The following HPSE2 variants were observed in gnomAD, a reference collection of about 807,000 sequenced individuals.
HPSE2 encodes heparanase 2 (inactive).
HPSE2 carries 38 observed loss-of-function variants against 60.5 expected under a neutral mutation model. That is an observed-to-expected ratio of 0.63 (90% CI 0.48 to 0.82). HPSE2 has a LOEUF of 0.82. HPSE2 is among the 40% of genes least tolerant of loss of function. The probability of loss-of-function intolerance (pLI) is 0.00; values close to 1 mark genes in which losing one functional copy is unlikely to be tolerated. For missense variants in HPSE2, 713 were observed against 740.4 expected (o/e 0.96, Z 0.43); for synonymous variants, 295 against 293.2 (o/e 1.01, Z -0.06).
chr10:98,869,898 G>A (rs1362327875), intron 3 of HPSE2, among the ~76,000 whole-genome samples: 3 of 151,916 alleles, frequency 2.0e-5, no homozygotes, highest in Admixed American at 6.6e-5. Context: ...GCATATAAAA[G>A]CAACAACCTG....
intron 3 of HPSE2, among the ~76,000 whole-genome samples, chr10:98,985,496 A>G (rs1956319180): frequency 6.6e-6 from 1 of 152,216 alleles, no homozygotes; most frequent in South Asian, 2.1e-4. Flanking sequence ...AGGAAGCACT[A>G]AACATGGAAA....
chr10:98,864,206 G>A (rs535086499), intron 3 of HPSE2, among the ~76,000 whole-genome samples: 2 of 152,034 alleles, frequency 1.3e-5, no homozygotes, highest in Non-Finnish European at 2.9e-5. Context: ...ATAAGCAATG[G>A]CTAAACATTA....
chr10:98,625,688 A>G (rs1015917356), intron 7 of HPSE2, among the ~76,000 whole-genome samples: 2 of 152,232 alleles, frequency 1.3e-5, no homozygotes, highest in African/African-American at 4.8e-5. Context: ...AATGATACTA[A>G]TAAGAATTAA....
chr10:99,156,154 C>T (rs1436058931), intron 2 of HPSE2, among the ~76,000 whole-genome samples: 1,343 of 133,466 alleles, frequency 0.01, 10 homozygotes, highest in African/African-American at 0.035. Context: ...GATTCACAGC[C>T]GAATTCTACC....
intron 3 of HPSE2, among the ~76,000 whole-genome samples, chr10:98,807,947 C>A (rs756606843): frequency 6.6e-6 from 1 of 152,106 alleles, no homozygotes; most frequent in Non-Finnish European, 1.5e-5. Context: ...CAGGAAAATG[C>A]TGACTTCTTC....
In HPSE2 at chr10:98,639,611, C is replaced by A. The variant is rs188025683; in HGVS notation, c.1098+2236G>T. ...ACCAATTGCACGCAGAGTTTTAGCT[C>A]TTTTCCTTAAGTTTCTTGGGCCCTG... On this transcript the variant is annotated intron_variant, in intron 7 of 11. Transcript: ENST00000370552. Among the ~76,000 whole-genome samples, 8 of 152,240 alleles carry A rather than the reference C, an allele frequency of 5.3e-5. No homozygotes were observed. In the East Asian group the frequency reaches 1.5e-3, roughly 29 times the overall value.
chr10:98,970,028 C>G (rs61165722), intron 3 of HPSE2, among the ~76,000 whole-genome samples: 1 of 151,568 alleles, frequency 6.6e-6, no homozygotes, highest in East Asian at 1.9e-4. Flanking sequence ...ATGGCGTGAT[C>G]TCAGCTCACT....
In HPSE2 at chr10:98,459,744, A is replaced by G. The variant is rs979607994; in HGVS notation, c.1614-5T>C. ...TGGCCATTCAGTTGCACTGACCTAC[A>G]GTGAGGAAAAACAGTATGGGACTCA... On this transcript the variant is annotated splice_region_variant and splice_polypyrimidine_tract_variant and intron_variant, in intron 11 of 11. Coordinates refer to ENST00000370552, the MANE Select transcript of HPSE2 (RefSeq NM_021828.5). The G allele has an allele frequency of 2.5e-6, 4 of 1,612,102 alleles. No individual in the cohort carries two copies. The Admixed American group carries it at 5.0e-5, about 20-fold the overall frequency.
chr10:98,738,781 C>A (rs1949421433), intron 4 of HPSE2, among the ~76,000 whole-genome samples: 2 of 152,210 alleles, frequency 1.3e-5, no homozygotes, highest in South Asian at 4.1e-4. Context: ...GATACTATTT[C>A]ATGCCAGTTA....
Position 98,679,208 on chromosome 10 carries a change from G to T in HPSE2, c.1004+14692C>A, listed in dbSNP as rs1041722680. 3.9e-5 allele frequency among the ~76,000 whole-genome samples: 6 copies of T among 152,170 alleles called. No homozygotes were observed. In the East Asian group the frequency reaches 1.2e-3, roughly 29 times the overall value. On this transcript the variant is annotated intron_variant, in intron 6 of 11. Coordinates refer to ENST00000370552, the MANE Select transcript of HPSE2 (RefSeq NM_021828.5). Reference sequence around the variant, plus strand: ...TGGAGTGAAACAGGAGAAATGAAAGGCAATTAGACCTGCAGATTCCCATCC... The same window carrying T: ...TGGAGTGAAACAGGAGAAATGAAAGTCAATTAGACCTGCAGATTCCCATCC...
chr10:98,789,097 G>T (rs549383035), intron 3 of HPSE2, among the ~76,000 whole-genome samples: 1 of 152,248 alleles, frequency 6.6e-6, no homozygotes, highest in Non-Finnish European at 1.5e-5. Flanking sequence ...GCTCCATGAG[G>T]ACAGAAATTT....
chr10:99,096,689 T>C (rs564209181), intron 3 of HPSE2, among the ~76,000 whole-genome samples: 3 of 124,084 alleles, frequency 2.4e-5, no homozygotes, highest in Non-Finnish European at 5.6e-5. Context: ...TTGAGCTAAA[T>C]TGTTGTGTTT....
At chr10:98,484,112 G>A (rs190615725) in intron 10 of HPSE2, among the ~76,000 whole-genome samples, 1 of 152,296 alleles carries the variant, frequency 6.6e-6, no homozygotes, top group Non-Finnish European at 1.5e-5. Flanking sequence ...CTGACATGCA[G>A]CATTTTTTCA....
rs533919421 is a variant in HPSE2, at chr10:98,972,562, T to C, written c.610+171676A>G. ...TGATTTCTAGTGCCACTTTATCATA[T>C]ATAAGTGATACACACATGGCTCTTT... On this transcript the variant is annotated intron_variant, in intron 3 of 11. Coordinates refer to ENST00000370552, the MANE Select transcript of HPSE2 (RefSeq NM_021828.5). 9.2e-5 allele frequency among the ~76,000 whole-genome samples: 14 copies of C among 152,292 alleles called. No individual in the cohort carries two copies. The South Asian group carries it at 2.5e-3, about 27-fold the overall frequency.
At chr10:99,031,358 C>T (rs573890162) in intron 3 of HPSE2, among the ~76,000 whole-genome samples, 1 of 152,236 alleles carries the variant, frequency 6.6e-6, no homozygotes, top group South Asian at 2.1e-4. Flanking sequence ...AGTTTTTCTA[C>T]TCTAATATTA....
intron 3 of HPSE2, among the ~76,000 whole-genome samples, chr10:99,093,167 G>A (rs564351290): frequency 6.6e-6 from 1 of 152,166 alleles, no homozygotes; most frequent in East Asian, 1.9e-4. Context: ...GGCAGAGGTT[G>A]CAGTGAGCTG....
At chr10:98,762,641 A>T (rs11189807) in intron 3 of HPSE2, among the ~76,000 whole-genome samples, 5,747 of 152,236 alleles carry the variant, frequency 0.038, 241 homozygotes, top group East Asian at 0.17. Context: ...AACAGAACTG[A>T]CATTGAAACC....
At chr10:98,833,839 T>G (rs994577) in intron 3 of HPSE2, among the ~76,000 whole-genome samples, 499 of 152,208 alleles carry the variant, frequency 3.3e-3, no homozygotes, top group African/African-American at 0.011. Flanking sequence ...AATCCTCAGG[T>G]TTTTTGTAAC....
At chr10:98,754,494 T>C (rs937310128) in intron 3 of HPSE2, among the ~76,000 whole-genome samples, 3 of 151,760 alleles carry the variant, frequency 2.0e-5, no homozygotes, top group Non-Finnish European at 2.9e-5. Flanking sequence ...CATTTAAATT[T>C]AGGAAATTCA....
Sources: gnomAD v4.1 joint callset for allele counts (sites outside exome capture counted in the v4.1 genomes callset) on GRCh38, gnomAD v4.1.1 for gene constraint, MANE v1.5 for transcripts, NCBI Gene and HGNC (gene_info 2026-07-23, HGNC 2026-07-21) for gene names.